The following KAT6B variants were observed in gnomAD, a reference collection of about 807,000 sequenced individuals.
The protein encoded by KAT6B is histone acetyltransferase KAT6B.
In KAT6B, 10 loss-of-function variants were observed where a neutral mutation model predicts 187.5. The ratio of observed to expected loss-of-function variants is 0.05; its 90% confidence interval spans 0.03 to 0.09. KAT6B has a LOEUF of 0.09. Ranked by LOEUF, KAT6B falls within the 10% of genes least tolerant of loss-of-function variation. KAT6B has a pLI of 1.00. For synonymous variants in KAT6B, 861 were observed against 926.8 expected (o/e 0.93, Z 1.29); for missense variants, 1,952 against 2,558.9 (o/e 0.76, Z 5.12).
At chr10:74,980,942 A>G (rs1462087256) in intron 10 of KAT6B, among the ~76,000 whole-genome samples, 6 of 152,238 alleles carry the variant, frequency 3.9e-5, no homozygotes, top group Admixed American at 3.9e-4. Context: ...AGAGGTGGAA[A>G]TGGTAACAAC....
chr10:74,855,723 T>G (rs1201522425), intron 3 of KAT6B, among the ~76,000 whole-genome samples: 1 of 152,196 alleles, frequency 6.6e-6, no homozygotes, highest in African/African-American at 2.4e-5. Flanking sequence ...TCTCCTAACC[T>G]TTATAATTTA....
intron 13 of KAT6B, among the ~76,000 whole-genome samples, chr10:74,996,048 T>TGAG (rs535192178): frequency 1.3e-3 from 191 of 152,282 alleles, no homozygotes; most frequent in African/African-American, 4.2e-3. Context: ...CAGATGGTGG[T>TGAG]GAGGGAGGTG....
At position 74,838,720 on chromosome 10, in the gene KAT6B, T is replaced by C. The variant is rs1564897416; in HGVS notation, c.-291T>C. The C allele has an allele frequency of 6.6e-6, 1 of 152,250 alleles. No individual in the cohort carries two copies. Among genetic ancestry groups the C allele is most frequent in the Non-Finnish European group, 1.5e-5 (1 of 68,048 alleles). 9.4% of individuals were successfully genotyped at this position (152,250 alleles called of 1,614,324 possible). Reference sequence around the variant, plus strand: ...ACCTGGATAATCTCCATTTTTGTCATGGACTGTTAAAACGTTTGAAGTTCC... The same window carrying C: ...ACCTGGATAATCTCCATTTTTGTCACGGACTGTTAAAACGTTTGAAGTTCC... On this transcript the variant is annotated 5_prime_UTR_variant, in exon 2 of 18. It removes an upstream start codon present in the reference 5' UTR. Coordinates refer to ENST00000287239, the MANE Select transcript of KAT6B (RefSeq NM_012330.4).
At chr10:74,829,996 G>A (rs1335073111) in intron 1 of KAT6B, among the ~76,000 whole-genome samples, 5 of 140,534 alleles carry the variant, frequency 3.6e-5, no homozygotes, top group East Asian at 2.1e-4. Context: ...CCAGCCTGGC[G>A]ACAGAGCGAG....
At chr10:74,978,288 A>G (rs1387747388) in intron 9 of KAT6B, among the ~76,000 whole-genome samples, 1 of 152,190 alleles carries the variant, frequency 6.6e-6, no homozygotes, top group Non-Finnish European at 1.5e-5. Flanking sequence ...TGGCTAAGAT[A>G]AATGTCAGAT....
chr10:74,949,692 T>G (rs1437362848), intron 3 of KAT6B, among the ~76,000 whole-genome samples: 1 of 152,256 alleles, frequency 6.6e-6, no homozygotes, highest in Non-Finnish European at 1.5e-5. Flanking sequence ...TACTCCGTTA[T>G]GGCTAAGCTT....
chr10:74,849,466 T>C (rs191037558), intron 3 of KAT6B, among the ~76,000 whole-genome samples: 81 of 151,770 alleles, frequency 5.3e-4, no homozygotes, highest in African/African-American at 1.9e-3. Context: ...CTAATTTTAG[T>C]ATTTTTAGTA....
chr10:74,948,302 C>T (rs1019718302), intron 3 of KAT6B, among the ~76,000 whole-genome samples: 1 of 152,198 alleles, frequency 6.6e-6, no homozygotes, highest in Non-Finnish European at 1.5e-5. Flanking sequence ...GCGTGGCATA[C>T]TTTGGGTGCT....
chr10:75,009,802 T>C (rs1366049233), intron 13 of KAT6B, among the ~76,000 whole-genome samples: 3 of 152,152 alleles, frequency 2.0e-5, no homozygotes, highest in African/African-American at 7.2e-5. Flanking sequence ...GGTCAGGAGT[T>C]CGAGACCAGC....
chr10:74,994,982 A>G (rs1345206661), intron 13 of KAT6B, among the ~76,000 whole-genome samples: 1 of 152,144 alleles, frequency 6.6e-6, no homozygotes, highest in African/African-American at 2.4e-5. Flanking sequence ...GTGTACACAC[A>G]CACTCCCTTC....
chr10:74,905,756 G>C (rs1441278635), intron 3 of KAT6B, among the ~76,000 whole-genome samples: 1 of 152,174 alleles, frequency 6.6e-6, no homozygotes, highest in African/African-American at 2.4e-5. Context: ...GGAATTGCCG[G>C]TGTAGGGTGA....
chr10:74,883,452 G>A (rs1411392110), intron 3 of KAT6B, among the ~76,000 whole-genome samples: 1 of 152,176 alleles, frequency 6.6e-6, no homozygotes, highest in African/African-American at 2.4e-5. Flanking sequence ...CGAGGTCCCA[G>A]TTGTTGGCTG....
intron 3 of KAT6B, among the ~76,000 whole-genome samples, chr10:74,902,583 T>C (rs1433416635): frequency 6.6e-6 from 1 of 152,024 alleles, no homozygotes; most frequent in Non-Finnish European, 1.5e-5. Flanking sequence ...TTTCCTCTGA[T>C]TTTTTTTGCT....
At chr10:74,950,828 A>G (rs1840264437) in intron 3 of KAT6B, among the ~76,000 whole-genome samples, 1 of 152,164 alleles carries the variant, frequency 6.6e-6, no homozygotes, top group Non-Finnish European at 1.5e-5. Context: ...TTAAAAATAG[A>G]CCATAACAGG....
chr10:74,862,392 C>T (rs1843243399), intron 3 of KAT6B, among the ~76,000 whole-genome samples: 1 of 152,108 alleles, frequency 6.6e-6, no homozygotes, highest in Non-Finnish European at 1.5e-5. Flanking sequence ...TGACCTAGGC[C>T]AGTGGTTCCC....
chr10:74,877,776 A>G (rs919584467), intron 3 of KAT6B, among the ~76,000 whole-genome samples: 2 of 152,204 alleles, frequency 1.3e-5, no homozygotes, highest in East Asian at 1.9e-4. Context: ...TTGAAGAAAG[A>G]TAATTTTTTT....
In KAT6B at chr10:74,927,600, A is replaced by C. The variant is rs149512559; in HGVS notation, c.622-32370A>C. Among the ~76,000 whole-genome samples the C allele has an allele frequency of 1.2e-3, 183 of 152,180 alleles. 1 individual carries two copies. The highest frequency in any genetic ancestry group is 4.2e-3 in the African/African-American group (176 of 41,524). On this transcript the variant is annotated intron_variant, in intron 3 of 17. Coordinates refer to ENST00000287239, the MANE Select transcript of KAT6B (RefSeq NM_012330.4). ...GGTTATTGATTGTGGGAAATGGGGCAGCCTCAAAGGGCTCTGGGCTATCTC... is the reference window on the plus strand; with the variant it reads ...GGTTATTGATTGTGGGAAATGGGGCCGCCTCAAAGGGCTCTGGGCTATCTC...
At position 74,981,342 on chromosome 10, in the gene KAT6B, T is replaced by C. The variant is rs79259356; in HGVS notation, c.2232-445T>C. Among the ~76,000 whole-genome samples, 371 of 97,746 alleles carry C rather than the reference T, an allele frequency of 3.8e-3. 3 individuals carry two copies. Among genetic ancestry groups the C allele is most frequent in the African/African-American group, 0.026 (349 of 13,178 alleles). The allele number at this position is 97,746 out of a possible 152,430, so 64.1% of individuals were successfully genotyped here. On this transcript the variant is annotated intron_variant, in intron 10 of 17. Transcript: ENST00000287239. ...TCCTTCCTTCCTTCCTTCCTTCCTT[T>C]CTTCCTTTCTTTCCTTTCTTTCCTT...
At chr10:74,940,719 T>C (rs557443024) in intron 3 of KAT6B, among the ~76,000 whole-genome samples, 15 of 152,192 alleles carry the variant, frequency 9.9e-5, no homozygotes, top group Non-Finnish European at 1.6e-4. Flanking sequence ...TAGCTAGGAC[T>C]ACAGGTGTGC....
Sources: allele counts gnomAD v4.1 joint callset (sites outside exome capture counted in the v4.1 genomes callset), GRCh38; gene constraint gnomAD v4.1.1; transcripts MANE v1.5; gene names NCBI Gene and HGNC (gene_info 2026-07-23, HGNC 2026-07-21).